The following VWA8 variants were observed in gnomAD, a reference collection of about 807,000 sequenced individuals.
VWA8 encodes von Willebrand factor A domain containing 8.
Under a neutral mutation model 241.5 loss-of-function variants are expected in VWA8, and 221 were observed. The observed-to-expected ratio is 0.91, with a 90% confidence interval of 0.82 to 1.02. The LOEUF is 1.02. Ranked by LOEUF, VWA8 falls within the 50% of genes least tolerant of loss-of-function variation. The pLI is 0.00. For synonymous variants in VWA8, 852 were observed against 827.1 expected (o/e 1.03, Z -0.52); for missense variants, 2,322 against 2,328.7 (o/e 1.00, Z 0.06).
At chr13:41,593,226 A>G (rs1190107518) in intron 40 of VWA8, among the ~76,000 whole-genome samples, 1 of 152,200 alleles carries the variant, frequency 6.6e-6, no homozygotes, top group Non-Finnish European at 1.5e-5. Context: ...GGGCAAAATT[A>G]CCATTTTGGA....
intron 35 of VWA8, among the ~76,000 whole-genome samples, chr13:41,675,583 T>C (rs1443578073): frequency 6.6e-6 from 1 of 151,800 alleles, no homozygotes; most frequent in East Asian, 1.9e-4. Flanking sequence ...TTTTAAAAAA[T>C]ATTTCATCAT....
At position 41,875,816 on chromosome 13, in the gene VWA8, T is replaced by C. The variant is rs1873871107; in HGVS notation, c.1081-7339A>G. Among the ~76,000 whole-genome samples the C allele has an allele frequency of 2.0e-5, 3 of 151,474 alleles. No individual in the cohort carries two copies. In the South Asian group the frequency reaches 6.2e-4, roughly 31 times the overall value. On this transcript the variant is annotated intron_variant, in intron 9 of 44. Coordinates refer to ENST00000379310, the MANE Select transcript of VWA8 (RefSeq NM_015058.2). ...TTACAAACCATCATGACCCCGATTT[T>C]CTCTCTCCAGTACAGATCTCTCTCC...
chr13:41,905,561 A>G (rs1173403421), intron 4 of VWA8, among the ~76,000 whole-genome samples: 2 of 152,104 alleles, frequency 1.3e-5, no homozygotes, highest in Non-Finnish European at 2.9e-5. Context: ...AAAAATGGCT[A>G]TCTATACTAC....
intron 9 of VWA8, among the ~76,000 whole-genome samples, chr13:41,875,389 A>G (rs982858881): frequency 5.3e-5 from 8 of 152,050 alleles, no homozygotes; most frequent in African/African-American, 1.9e-4. Context: ...GCCTATAAAA[A>G]TGTTTGTCTC....
chr13:41,806,530 C>A (rs1870217855), intron 17 of VWA8, among the ~76,000 whole-genome samples: 1 of 152,006 alleles, frequency 6.6e-6, no homozygotes, highest in Non-Finnish European at 1.5e-5. Flanking sequence ...GGTGAAACCC[C>A]ATCTCTACTA....
intron 21 of VWA8, among the ~76,000 whole-genome samples, chr13:41,739,164 T>C (rs1593733770): frequency 6.6e-6 from 1 of 152,176 alleles, no homozygotes; most frequent in East Asian, 1.9e-4. Flanking sequence ...TTCAAATTCA[T>C]ACTATACTTA....
intron 21 of VWA8, among the ~76,000 whole-genome samples, chr13:41,756,966 T>G (rs2137899934): frequency 6.6e-6 from 1 of 151,904 alleles, no homozygotes; most frequent in East Asian, 1.9e-4. Flanking sequence ...CATCCTTAAA[T>G]ATAAAATATT....
intron 15 of VWA8, 86 bp downstream of exon 15, chr13:41,819,132 T>C: frequency 7.2e-7 from 1 of 1,391,134 alleles, no homozygotes; most frequent in South Asian, 1.5e-5. Flanking sequence ...ACTAAAAATG[T>C]CTAACTCTAC....
intron 21 of VWA8, among the ~76,000 whole-genome samples, chr13:41,755,013 G>A (rs893414417): frequency 6.6e-6 from 1 of 151,838 alleles, no homozygotes; most frequent in Admixed American, 6.6e-5. Flanking sequence ...ATCTGTTGAT[G>A]GACCCTTAGG....
chr13:41,931,394 T>C (rs560429400), intron 2 of VWA8, among the ~76,000 whole-genome samples: 2 of 148,496 alleles, frequency 1.3e-5, no homozygotes, highest in South Asian at 2.1e-4. Context: ...AAAAAAAACA[T>C]TGGTTACCAG....
intron 20 of VWA8, among the ~76,000 whole-genome samples, chr13:41,768,683 G>A (rs935220841): frequency 6.6e-6 from 1 of 152,090 alleles, no homozygotes; most frequent in East Asian, 1.9e-4. Context: ...CCCAGTGAAA[G>A]TTACTTTTAT....
chr13:41,799,260 A>C (rs761014542), intron 17 of VWA8, among the ~76,000 whole-genome samples: 4 of 152,170 alleles, frequency 2.6e-5, no homozygotes, highest in Admixed American at 6.6e-5. Context: ...TGATCTTGTA[A>C]AAGTATTTGC....
chr13:41,795,094 C>T (rs907390892), intron 17 of VWA8, among the ~76,000 whole-genome samples: 1 of 152,000 alleles, frequency 6.6e-6, no homozygotes, highest in Non-Finnish European at 1.5e-5. Context: ...GAAACTTAAA[C>T]AAACTTACAA....
intron 18 of VWA8, among the ~76,000 whole-genome samples, chr13:41,784,745 T>TACACACACAC (rs1869100132): frequency 9.8e-6 from 1 of 102,266 alleles, no homozygotes; most frequent in African/African-American, 3.4e-5. Flanking sequence ...CACATATATA[T>TACACACACAC]ATATATATAT....
intron 12 of VWA8, 120 bp from the exon 13 acceptor site, chr13:41,833,651 C>T (rs1308018495): frequency 6.1e-6 from 7 of 1,156,536 alleles, no homozygotes; most frequent in African/African-American, 3.1e-5. Context: ...CATATAGTAA[C>T]AGAGAAGTCA....
Position 41,690,254 on chromosome 13 carries a change from A to G in VWA8, c.3888T>C (p.Pro1296=). The change falls in exon 33 of 45, where the codon CCT becomes CCC. Residue 1296 remains proline, a synonymous_variant. Coordinates refer to ENST00000379310, the MANE Select transcript of VWA8 (RefSeq NM_015058.2). ...KTNQKYLLTK[P]AHIESEGSGV... is the part of the protein sequence containing the mutation. ...CACTACCCTCAGATTCGATGTGTGC[A>G]GGCTTAGTTAAAAGATATTTCCTGC... 1 of 1,609,688 alleles carries G rather than the reference A, an allele frequency of 6.2e-7. No individual in the cohort carries two copies. The highest frequency in any genetic ancestry group is 8.5e-7 in the Non-Finnish European group (1 of 1,178,160).
intron 39 of VWA8, among the ~76,000 whole-genome samples, chr13:41,605,690 C>G (rs1401020967): frequency 6.6e-6 from 1 of 152,026 alleles, no homozygotes; most frequent in Non-Finnish European, 1.5e-5. Context: ...CCGATCAGTT[C>G]ATGTGGCAGA....
At chr13:41,927,944 T>C (rs902985277) in intron 2 of VWA8, among the ~76,000 whole-genome samples, 1 of 152,294 alleles carries the variant, frequency 6.6e-6, no homozygotes, top group Middle Eastern at 3.4e-3. Context: ...AAAGAAAGCA[T>C]GAATGGCTAT....
At chr13:41,785,620 G>C (rs1364795352) in intron 18 of VWA8, among the ~76,000 whole-genome samples, 1 of 152,104 alleles carries the variant, frequency 6.6e-6, no homozygotes, top group Non-Finnish European at 1.5e-5. Flanking sequence ...TTTAATCACT[G>C]TGGAGTGCTA....
Sources: gnomAD v4.1 joint callset for allele counts (sites outside exome capture counted in the v4.1 genomes callset) on GRCh38, gnomAD v4.1.1 for gene constraint, MANE v1.5 for transcripts, NCBI Gene and HGNC (gene_info 2026-07-23, HGNC 2026-07-21) for gene names.